Variants in ADGRV1 observed in about 807,000 individuals in gnomAD.
ADGRV1 encodes the protein adhesion G protein-coupled receptor V1.
ADGRV1 carries 359 observed loss-of-function variants against 596.2 expected under a neutral mutation model. The ratio of observed to expected loss-of-function variants is 0.60; its 90% CI spans 0.55 to 0.66. The LOEUF (loss-of-function observed/expected upper bound fraction) is 0.66. Among genes scored for constraint, ADGRV1 ranks in the 30% least tolerant of loss-of-function variants. ADGRV1 has a pLI of 0.00. For synonymous variants in ADGRV1, 2,681 were observed against 2,679.2 expected (o/e 1.00, Z -0.02); for missense variants, 7,274 against 7,575.6 (o/e 0.96, Z 1.48).
At chr5:90,993,924 T>G (rs1484039498) in intron 85 of ADGRV1, among the ~76,000 whole-genome samples, 1 of 152,144 alleles carries the variant, frequency 6.6e-6, no homozygotes, top group Non-Finnish European at 1.5e-5. Flanking sequence ...GTTCTATTTT[T>G]TTTTCTGTTC....
intron 1 of ADGRV1, among the ~76,000 whole-genome samples, chr5:90,568,782 T>G (rs956846477): frequency 6.6e-6 from 1 of 152,202 alleles, no homozygotes; most frequent in Non-Finnish European, 1.5e-5. Context: ...ATTCATGTGT[T>G]TTGGGATTGG....
At chr5:90,993,422 G>T (rs1166200132) in intron 85 of ADGRV1, among the ~76,000 whole-genome samples, 2 of 152,062 alleles carry the variant, frequency 1.3e-5, no homozygotes, top group East Asian at 1.9e-4. Context: ...CTCCCAAAGT[G>T]CTGGCATTAC....
At chr5:91,020,087 G>A (rs552671603) in intron 85 of ADGRV1, among the ~76,000 whole-genome samples, 46 of 130,304 alleles carry the variant, frequency 3.5e-4, no homozygotes, top group African/African-American at 1.1e-3. Context: ...TTATAGTTAC[G>A]GCATATTGGC....
intron 22 of ADGRV1, 31 bp downstream of exon 22, chr5:90,672,753 G>A: frequency 1.1e-5 from 17 of 1,512,946 alleles, no homozygotes; most frequent in Non-Finnish European, 1.4e-5. Context: ...TCCTTTGAAA[G>A]CCTCCTGGAA....
At chr5:91,129,223 T>C (rs559988086) in intron 87 of ADGRV1, among the ~76,000 whole-genome samples, 1 of 152,346 alleles carries the variant, frequency 6.6e-6, no homozygotes, top group South Asian at 2.1e-4. Flanking sequence ...TTTTGATGTA[T>C]GTTGCGAGAA....
At chr5:91,127,540 C>CAAAAA (rs11406300) in intron 87 of ADGRV1, among the ~76,000 whole-genome samples, 1 of 125,600 alleles carries the variant, frequency 8.0e-6, no homozygotes, top group African/African-American at 3.1e-5. Context: ...CCAGTCTCAC[C>CAAAAA]AAAAAAAAAA....
chr5:90,861,527 T>C (rs2438340), intron 82 of ADGRV1, among the ~76,000 whole-genome samples: 2 of 151,684 alleles, frequency 1.3e-5, no homozygotes, highest in Admixed American at 6.6e-5. Flanking sequence ...GCCAGGATGG[T>C]CTCGATCTCC....
chr5:90,907,920 G>A (rs1772474410), intron 83 of ADGRV1, among the ~76,000 whole-genome samples: 1 of 151,976 alleles, frequency 6.6e-6, no homozygotes, highest in Non-Finnish European at 1.5e-5. Context: ...GTGCAGTCTC[G>A]GCTTACTGCA....
At chr5:90,940,745 C>G (rs1190165514) in intron 83 of ADGRV1, among the ~76,000 whole-genome samples, 1 of 152,018 alleles carries the variant, frequency 6.6e-6, no homozygotes, top group Non-Finnish European at 1.5e-5. Context: ...TGAACCGGCA[C>G]TAGTTAGTAG....
chr5:90,943,789 G>A (rs1776354567), intron 83 of ADGRV1, among the ~76,000 whole-genome samples: 1 of 152,040 alleles, frequency 6.6e-6, no homozygotes, highest in Non-Finnish European at 1.5e-5. Flanking sequence ...CTTCTTCCCT[G>A]TGTGTGTCTG....
At chr5:91,065,182 G>A (rs1016274601) in intron 85 of ADGRV1, among the ~76,000 whole-genome samples, 1 of 152,138 alleles carries the variant, frequency 6.6e-6, no homozygotes, top group African/African-American at 2.4e-5. Context: ...TATAAAGTAG[G>A]TCATCACTAT....
At chr5:90,686,162 T>TTG (rs397970544) in intron 29 of ADGRV1, among the ~76,000 whole-genome samples, 167 bp downstream of exon 29, 23 of 146,560 alleles carry the variant, frequency 1.6e-4, no homozygotes, top group East Asian at 8.2e-4. Flanking sequence ...TCTTTTTTTT[T>TTG]GGGGGGGGGG....
chr5:90,591,645 G>C (rs1759523367), intron 1 of ADGRV1, among the ~76,000 whole-genome samples: 2 of 152,116 alleles, frequency 1.3e-5, no homozygotes, highest in Admixed American at 1.3e-4. Flanking sequence ...GTAAATGATT[G>C]AAAAAGTCAA....
At chr5:90,618,097 A>G (rs1763598192) in intron 3 of ADGRV1, 144 bp downstream of exon 3, 1 of 543,888 alleles carries the variant, frequency 1.8e-6, no homozygotes, top group Admixed American at 3.6e-5. Context: ...CAGAACTGAC[A>G]ACCTCTTCAG....
intron 85 of ADGRV1, among the ~76,000 whole-genome samples, chr5:91,028,739 T>G (rs796456073): frequency 6.7e-6 from 1 of 148,162 alleles, no homozygotes; most frequent in Admixed American, 6.8e-5. Context: ...TCTGTTTTTT[T>G]TTTTTTTTTT....
chr5:91,148,974 CTG>C (rs982413634), intron 87 of ADGRV1, among the ~76,000 whole-genome samples: 3 of 152,228 alleles, frequency 2.0e-5, no homozygotes, highest in Admixed American at 1.3e-4. Context: ...TGTTGCCCCT[CTG>C]TTTTGACCAA....
Position 90,841,003 on chromosome 5 carries a change from T to A in ADGRV1, c.17019+18T>A. The A allele has an allele frequency of 7.1e-7, 1 of 1,404,200 alleles. No homozygotes were observed. The highest frequency in any genetic ancestry group is 2.4e-5 in the East Asian group (1 of 41,440). The allele number at this position is 1,404,200 out of a possible 1,614,324, so 87.0% of individuals were successfully genotyped here. A position where few individuals can be genotyped will look rare whatever the true frequency, so the allele number is the denominator to read the frequency against. ...TAGAAAAGGTAAGTTTTTGTGAATATTAGTAATTTGTTTAGTGAAATTTTG... is the reference window on the plus strand; with the variant it reads ...TAGAAAAGGTAAGTTTTTGTGAATAATAGTAATTTGTTTAGTGAAATTTTG... On this transcript the variant is annotated intron_variant, in intron 78 of 89. Coordinates refer to ENST00000405460, the MANE Select transcript of ADGRV1 (RefSeq NM_032119.4).
At chr5:90,562,490 C>A (rs1171368756) in intron 1 of ADGRV1, among the ~76,000 whole-genome samples, 1 of 152,144 alleles carries the variant, frequency 6.6e-6, no homozygotes, top group Non-Finnish European at 1.5e-5. Flanking sequence ...TGTGGTAATA[C>A]AAAGGCTGTG....
chr5:90,825,553 G>A (rs1764002254), intron 76 of ADGRV1, among the ~76,000 whole-genome samples: 14 of 152,098 alleles, frequency 9.2e-5, no homozygotes, highest in Admixed American at 9.2e-4. Flanking sequence ...ATACTGATAC[G>A]ATCTCACTAG....
Sources: gnomAD v4.1 joint callset for allele counts (sites outside exome capture counted in the v4.1 genomes callset) on GRCh38, gnomAD v4.1.1 for gene constraint, MANE v1.5 for transcripts, NCBI Gene and HGNC (gene_info 2026-07-23, HGNC 2026-07-21) for gene names.